Variants in XCR1 observed in about 807,000 individuals in gnomAD.
XCR1 encodes the protein X-C motif chemokine receptor 1.
For synonymous variants in XCR1, 187 were observed against 188.5 expected, an observed-to-expected ratio of 0.99 and a Z score of 0.06; for missense variants, 356 against 424.2, an observed-to-expected ratio of 0.84 and a Z score of 1.41.
At chr3:46,041,105 GC>G (rs1230973331) in intron 5 of XCR1, among the ~76,000 whole-genome samples, 1 of 151,984 alleles carries the variant, frequency 6.6e-6, no homozygotes, top group Non-Finnish European at 1.5e-5. Flanking sequence ...AGAATTTGAG[GC>G]ATATTTCTCT....
intron 1 of XCR1, chr3:46,023,408 C>A: frequency 6.8e-7 from 1 of 1,460,370 alleles, no homozygotes; most frequent in Non-Finnish European, 9.6e-7. Context: ...AAAAAGGCTG[C>A]GGCATATCTT....
upstream of XCR1, among the ~76,000 whole-genome samples, chr3:46,032,350 G>A (rs201880088): frequency 1.4e-4 from 21 of 152,342 alleles, 1 homozygote; most frequent in East Asian, 3.9e-3. Flanking sequence ...TGCTTGTGGT[G>A]CATCTGGTCC....
chr3:46,021,848 T>C lies in XCR1; in HGVS notation c.100A>G (p.Thr34Ala), dbSNP rs763785764. 69 of 1,613,864 alleles carry C rather than the reference T, an allele frequency of 4.3e-5. No individual in the cohort carries two copies. Among genetic ancestry groups the C allele is most frequent in the Non-Finnish European group, 5.7e-5 (67 of 1,179,986 alleles). The change falls in exon 2 of 2, where the codon ACC becomes GCC. Residue 34 changes from threonine (T) to alanine (A), a missense_variant. Coordinates refer to ENST00000309285, the MANE Select transcript of XCR1 (RefSeq NM_001024644.2). This position sits in a 1 kb window ranked among gnomAD's most constrained non-coding sequence, Gnocchi z 4.7. ...NQAWVFATLA[T>A]TVLYCLVFLL... ...AACACCAGGCAGTATAGGACAGTGG[T>C]GGCGAGGGTAGCAAAGACCCAGGCC...
intron 4 of XCR1, among the ~76,000 whole-genome samples, chr3:46,063,951 C>A (rs1276810286): frequency 6.6e-6 from 1 of 152,166 alleles, no homozygotes; most frequent in African/African-American, 2.4e-5. Context: ...CTCACTACAG[C>A]CTTGACCTCC....
At chr3:46,032,062 C>T (rs1708405303), upstream of XCR1, among the ~76,000 whole-genome samples, 1 of 152,246 alleles carries the variant, frequency 6.6e-6, no homozygotes, top group Non-Finnish European at 1.5e-5. Context: ...CTTGTTCATG[C>T]TGCACTTCTC....
At chr3:46,045,575 A>G (rs1205255364) in intron 5 of XCR1, among the ~76,000 whole-genome samples, 1 of 152,202 alleles carries the variant, frequency 6.6e-6, no homozygotes, top group African/African-American at 2.4e-5. Flanking sequence ...ACACTCATTC[A>G]TGATAAACAC....
chr3:46,032,303 G>A (rs995372443), upstream of XCR1, among the ~76,000 whole-genome samples: 1 of 152,148 alleles, frequency 6.6e-6, no homozygotes, highest in African/African-American at 2.4e-5. Flanking sequence ...CTAAGTCTCC[G>A]TGTACCACTG....
chr3:46,023,438 C>T, intron 1 of XCR1: 1 of 1,495,440 alleles, frequency 6.7e-7, no homozygotes, highest in East Asian at 2.3e-5. Flanking sequence ...ATGAAGCTGA[C>T]ACAATCTGAG....
chr3:46,083,972 GT>G (rs1559498410), intron 1 of XCR1, among the ~76,000 whole-genome samples: 1 of 152,246 alleles, frequency 6.6e-6, no homozygotes, highest in East Asian at 1.9e-4. Flanking sequence ...CTAATCCTAT[GT>G]GCATTATATA....
At chr3:46,076,238 A>T (rs1301945681) in intron 2 of XCR1, among the ~76,000 whole-genome samples, 1 of 152,168 alleles carries the variant, frequency 6.6e-6, no homozygotes, top group Admixed American at 6.6e-5. Context: ...AATTTGAAAG[A>T]TACCCTTGTC....
At chr3:46,073,766 A>G (rs965223119) in intron 3 of XCR1, among the ~76,000 whole-genome samples, 1 of 152,202 alleles carries the variant, frequency 6.6e-6, no homozygotes, top group African/African-American at 2.4e-5. Context: ...AAGTGGGCAA[A>G]GGACATGAAT....
At chr3:46,075,330 A>AC (rs1698240102) in intron 2 of XCR1, among the ~76,000 whole-genome samples, 1 of 131,856 alleles carries the variant, frequency 7.6e-6, no homozygotes, top group African/African-American at 2.9e-5. Context: ...AAAAAAAAAA[A>AC]CAACAAAAAT....
chr3:46,076,486 A>G (rs1698262311), intron 2 of XCR1, among the ~76,000 whole-genome samples: 1 of 151,932 alleles, frequency 6.6e-6, no homozygotes, highest in Non-Finnish European at 1.5e-5. Context: ...AATGAGAAAG[A>G]CACTCATCTT....
intron 5 of XCR1, among the ~76,000 whole-genome samples, chr3:46,048,436 C>T (rs964158397): frequency 6.6e-6 from 1 of 152,138 alleles, no homozygotes; most frequent in Non-Finnish European, 1.5e-5. Flanking sequence ...CTTGAGTTGT[C>T]CCCAGGTTAC....
intron 5 of XCR1, among the ~76,000 whole-genome samples, chr3:46,052,266 T>G (rs1170786098): frequency 1.3e-5 from 2 of 152,034 alleles, no homozygotes; most frequent in African/African-American, 4.8e-5. Context: ...GTTCCTGGGG[T>G]GAGGGAATCA....
intron 1 of XCR1, among the ~76,000 whole-genome samples, chr3:46,077,590 T>C (rs1698283772): frequency 6.6e-6 from 1 of 152,138 alleles, no homozygotes; most frequent in Non-Finnish European, 1.5e-5. Flanking sequence ...CTACTCCTCC[T>C]AGGTCTGTGG....
intron 1 of XCR1, among the ~76,000 whole-genome samples, chr3:46,078,364 A>G (rs1267029417): frequency 6.6e-6 from 1 of 152,134 alleles, no homozygotes; most frequent in Non-Finnish European, 1.5e-5. Context: ...TCTGACTTTG[A>G]GAGAAATTGT....
rs35124592 is a variant in XCR1, at chr3:46,074,214, C to CTTTTTTT, written c.-263+430_-263+436dup. Among the ~76,000 whole-genome samples, 3 of 86,638 alleles carry CTTTTTTT rather than the reference C, an allele frequency of 3.5e-5. 1 individual carries two copies. Among genetic ancestry groups the CTTTTTTT allele is most frequent in the African/African-American group, 4.3e-5 (1 of 23,210 alleles). The allele number at this position is 86,638 out of a possible 152,430, so 56.8% of individuals were successfully genotyped here. A position where few individuals can be genotyped will look rare whatever the true frequency, so the allele number is the denominator to read the frequency against. Reference sequence around the variant, plus strand: ...CAACACGAATGGAACTGAAGGCCATCTTTTTTTTTTTTTTTTTTTTTTTTT... The same window carrying CTTTTTTT: ...CAACACGAATGGAACTGAAGGCCATCTTTTTTTTTTTTTTTTTTTTTTTTTTTTTTTT... On this transcript the variant is annotated intron_variant, in intron 3 of 5. Transcript: ENST00000683768.
At chr3:46,061,752 C>G (rs1697967112) in intron 4 of XCR1, among the ~76,000 whole-genome samples, 1 of 152,086 alleles carries the variant, frequency 6.6e-6, no homozygotes, top group Non-Finnish European at 1.5e-5. Context: ...GGTTAGGCGG[C>G]TGATGCCAGA....
Sources: allele counts gnomAD v4.1 joint callset (sites outside exome capture counted in the v4.1 genomes callset), GRCh38; gene constraint gnomAD v4.1.1; non-coding constraint Gnocchi (gnomAD v3.1); transcripts MANE v1.5; gene names NCBI Gene and HGNC (gene_info 2026-07-23, HGNC 2026-07-21).